DCDC2: variants seen among roughly 807,000 people sequenced by gnomAD.
DCDC2 encodes doublecortin domain containing 2.
Under a neutral mutation model 50.2 loss-of-function variants are expected in DCDC2, and 40 were observed. The ratio of observed to expected loss-of-function variants is 0.80; its 90% CI spans 0.62 to 1.04. The LOEUF (loss-of-function observed/expected upper bound fraction) is 1.04. Among genes scored for constraint, DCDC2 ranks in the 50% least tolerant of loss-of-function variants. DCDC2 has a pLI of 0.00. For missense variants in DCDC2, 570 were observed against 581.9 expected, an observed-to-expected ratio of 0.98 and a Z score of 0.21; for synonymous variants, 234 against 210.6, an observed-to-expected ratio of 1.11 and a Z score of -0.96.
chr6:24,284,787 G>C (rs148935324), intron 6 of DCDC2, among the ~76,000 whole-genome samples: 110 of 152,080 alleles, frequency 7.2e-4, no homozygotes, highest in African/African-American at 2.5e-3. Context: ...TCACATGCCA[G>C]GCTCTTTAGC....
intron 7 of DCDC2, among the ~76,000 whole-genome samples, chr6:24,225,438 T>C (rs568623877): frequency 2.6e-5 from 4 of 152,178 alleles, no homozygotes; most frequent in African/African-American, 9.6e-5. Context: ...TATGTGTGCA[T>C]ATCTGCATAT....
At chr6:24,243,771 G>T (rs1460520876) in intron 7 of DCDC2, among the ~76,000 whole-genome samples, 2 of 152,134 alleles carry the variant, frequency 1.3e-5, no homozygotes, top group African/African-American at 4.8e-5. Context: ...GCTAAGTGTG[G>T]TTCTGGCCTT....
At chr6:24,284,260 ATTC>A (rs1454699863) in intron 6 of DCDC2, among the ~76,000 whole-genome samples, 1 of 152,074 alleles carries the variant, frequency 6.6e-6, no homozygotes, top group Non-Finnish European at 1.5e-5. Flanking sequence ...TCCTGCTTCT[ATTC>A]TTGCCCCAAA....
intron 8 of DCDC2, among the ~76,000 whole-genome samples, chr6:24,179,355 G>A (rs930669810): frequency 1.4e-4 from 21 of 151,462 alleles, no homozygotes; most frequent in Middle Eastern, 3.4e-3. Context: ...AGACCATCCT[G>A]GCTAACATGG....
intron 7 of DCDC2, among the ~76,000 whole-genome samples, chr6:24,242,364 C>T (rs949939649): frequency 6.6e-6 from 1 of 152,098 alleles, no homozygotes; most frequent in South Asian, 2.1e-4. Flanking sequence ...CTGGCCAGCC[C>T]TCCACTCACC....
chr6:24,290,138 C>T (rs13206401), intron 5 of DCDC2, among the ~76,000 whole-genome samples: 3 of 149,704 alleles, frequency 2.0e-5, no homozygotes, highest in African/African-American at 4.9e-5. Context: ...GGACTACAGG[C>T]GCCCGCCACT....
chr6:24,277,564 C>T (rs1045973924), intron 7 of DCDC2, among the ~76,000 whole-genome samples: 2 of 152,160 alleles, frequency 1.3e-5, no homozygotes, highest in Non-Finnish European at 2.9e-5. Context: ...GATGAAACTA[C>T]ATCTAATTTT....
At chr6:24,215,136 A>T (rs576028046) in intron 7 of DCDC2, among the ~76,000 whole-genome samples, 9 of 152,364 alleles carry the variant, frequency 5.9e-5, no homozygotes, top group Non-Finnish European at 1.0e-4. Flanking sequence ...AGAGGAGAAC[A>T]AAGAAGGCTG....
intron 2 of DCDC2, among the ~76,000 whole-genome samples, chr6:24,310,557 C>A (rs1006001370): frequency 6.6e-6 from 1 of 152,140 alleles, no homozygotes; most frequent in African/African-American, 2.4e-5. Context: ...AACCCAAACA[C>A]TCTCTTGGTC....
At chr6:24,272,946 A>G (rs951554551) in intron 7 of DCDC2, among the ~76,000 whole-genome samples, 4 of 152,180 alleles carry the variant, frequency 2.6e-5, no homozygotes, top group African/African-American at 7.2e-5. Context: ...CAGCAAAGAT[A>G]TGGAATCAAC....
intron 6 of DCDC2, among the ~76,000 whole-genome samples, chr6:24,278,999 A>G (rs987648604): frequency 6.6e-6 from 1 of 152,026 alleles, no homozygotes; most frequent in Admixed American, 6.6e-5. Flanking sequence ...GGGTGATCAC[A>G]CCTTCCATGG....
chr6:24,357,672 G>T lies in DCDC2; in HGVS notation c.79C>A (p.Pro27Thr), dbSNP rs1207565422. 6.2e-7 allele frequency: 1 copy of T among 1,613,418 alleles called. No homozygotes were observed. The highest frequency in any genetic ancestry group is 1.7e-5 in the Admixed American group (1 of 60,032). ...ACGACGCGGCGCCCCGCGTAGAAGG[G>T]GTCCCCGTTGCGGTACACAAGCACG... ...KSVLVYRNGDPFYAGRRVVIH... is the reference protein window; with the variant it reads ...KSVLVYRNGDTFYAGRRVVIH... Residue 27 changes from proline to threonine, a missense_variant, in exon 1 of 10, where the codon CCC becomes ACC. Transcript: ENST00000378454.
the DCDC2 span, among the ~76,000 whole-genome samples, chr6:24,367,555 C>T: frequency 2.6e-5 from 4 of 152,162 alleles, no homozygotes; most frequent in African/African-American, 9.7e-5. Context: ...CATCAGTTGA[C>T]CCCTAGATAG....
In DCDC2 at chr6:24,205,054, G is replaced by GC. The variant is rs774115675; in HGVS notation, c.970dup (p.Ala324GlyfsTer8). 55 of 1,613,920 alleles carry GC rather than the reference G, an allele frequency of 3.4e-5. No homozygotes were observed. The highest frequency in any genetic ancestry group is 4.6e-5 in the Non-Finnish European group (54 of 1,179,978). On this transcript the variant is annotated frameshift_variant, in exon 8 of 10. Coordinates refer to ENST00000378454, the MANE Select transcript of DCDC2 (RefSeq NM_016356.5). LOFTEE classifies it high-confidence loss of function. ...ATCTTCATCTTCTTGGACTTCTGCTGCCCCCCGTGTTTCAGACCTCTCTGC... is the reference window on the plus strand; with the variant it reads ...ATCTTCATCTTCTTGGACTTCTGCTGCCCCCCCGTGTTTCAGACCTCTCTGC...
At chr6:24,235,698 T>G (rs77861199) in intron 7 of DCDC2, among the ~76,000 whole-genome samples, 1 of 152,180 alleles carries the variant, frequency 6.6e-6, no homozygotes, top group African/African-American at 2.4e-5. Flanking sequence ...AACATCATGC[T>G]GAACAGACAA....
the DCDC2 span, among the ~76,000 whole-genome samples, chr6:24,369,208 T>C: frequency 4.0e-4 from 60 of 151,532 alleles, no homozygotes; most frequent in Admixed American, 2.3e-3. Context: ...AATGTAAGCA[T>C]TATAAGCCCC....
At chr6:24,284,903 A>C (rs532980766) in intron 6 of DCDC2, among the ~76,000 whole-genome samples, 7 of 152,258 alleles carry the variant, frequency 4.6e-5, no homozygotes, top group Middle Eastern at 3.4e-3. Context: ...TCAGTTTCAG[A>C]CAATTTTATA....
chr6:24,371,645 G>A, the DCDC2 span, among the ~76,000 whole-genome samples: 4 of 152,078 alleles, frequency 2.6e-5, no homozygotes, highest in African/African-American at 9.7e-5. Context: ...AAACTAAAGA[G>A]CTTCTGCACA....
intron 7 of DCDC2, among the ~76,000 whole-genome samples, chr6:24,207,290 GACACAC>G (rs145473567): frequency 6.2e-5 from 6 of 96,008 alleles, no homozygotes; most frequent in Admixed American, 6.1e-4. Flanking sequence ...CTCTCTCTCA[GACACAC>G]ACACACACAC....
Sources: gnomAD v4.1 joint callset for allele counts (sites outside exome capture counted in the v4.1 genomes callset) on GRCh38, gnomAD v4.1.1 for gene constraint, MANE v1.5 for transcripts, NCBI Gene and HGNC (gene_info 2026-07-23, HGNC 2026-07-21) for gene names.